The following PATL1 variants were observed in gnomAD, a reference collection of about 807,000 sequenced individuals.
PATL1 encodes protein PAT1 homolog 1.
In PATL1, 32 loss-of-function variants were observed where a neutral mutation model predicts 100.6. That is an observed-to-expected ratio of 0.32 (90% CI 0.24 to 0.43). The LOEUF (loss-of-function observed/expected upper bound fraction) is 0.43, where lower values mean the gene tolerates loss of function less well. Ranked by LOEUF, PATL1 falls within the 20% of genes least tolerant of loss-of-function variation. PATL1 has a pLI of 1.00. For missense variants in PATL1, 747 were observed against 949.9 expected, an observed-to-expected ratio of 0.79 and a Z score of 2.81; for synonymous variants, 332 against 330.0, an observed-to-expected ratio of 1.01 and a Z score of -0.07.
At chr11:59,667,919 T>C (rs559214431) in intron 1 of PATL1, among the ~76,000 whole-genome samples, 2 of 152,344 alleles carry the variant, frequency 1.3e-5, no homozygotes, top group South Asian at 2.1e-4. Context: ...GAATTCCATA[T>C]TCTATCAGTA....
In PATL1 at chr11:59,656,052, T is replaced by TAAAAAAAA. The variant is rs750390194; in HGVS notation, c.724-15_724-8dup. ...GACCCAGGAGGGAAGAGTTCTAAGG[T>TAAAAAAAA]AAAAAAAAAAAAAAAAAAAAGAATA... On this transcript the variant is annotated splice_polypyrimidine_tract_variant and splice_region_variant and intron_variant, in intron 6 of 18. Coordinates refer to ENST00000300146, the MANE Select transcript of PATL1 (RefSeq NM_152716.3). 4 of 767,036 alleles carry TAAAAAAAA rather than the reference T, an allele frequency of 5.2e-6. No individual in the cohort carries two copies. Among genetic ancestry groups the TAAAAAAAA allele is most frequent in the African/African-American group, 2.8e-5 (1 of 35,882 alleles). 47.5% of individuals were successfully genotyped at this position (767,036 alleles called of 1,614,324 possible).
chr11:59,669,024 C>G lies in PATL1; in HGVS notation c.-129G>C. On this transcript the variant is annotated 5_prime_UTR_variant, in exon 1 of 19. Transcript: ENST00000300146. ...CCCTGGCCGCCGCCGTACGCCGGAG[C>G]GTGCGTGGGGACGTGCGCAGGCGCG... is the stretch of plus-strand genomic sequence containing the variant. 4.1e-6 allele frequency: 1 copy of G among 241,522 alleles called. No homozygotes were observed. The highest frequency in any genetic ancestry group is 8.4e-5 in the East Asian group (1 of 11,848). 15.0% of individuals were successfully genotyped at this position (241,522 alleles called of 1,614,324 possible).
chr11:59,659,767 C>T (rs778775018), intron 2 of PATL1, among the ~76,000 whole-genome samples: 3 of 152,054 alleles, frequency 2.0e-5, no homozygotes, highest in Middle Eastern at 3.4e-3. Flanking sequence ...CTCAAACTCC[C>T]GACCTCAAAT....
At chr11:59,662,630 T>C (rs1056148132) in intron 2 of PATL1, among the ~76,000 whole-genome samples, 1 of 152,186 alleles carries the variant, frequency 6.6e-6, no homozygotes, top group Non-Finnish European at 1.5e-5. Flanking sequence ...GGATAAATTG[T>C]TTTTTGCAAC....
intron 12 of PATL1, among the ~76,000 whole-genome samples, chr11:59,651,264 G>T (rs186780361): frequency 6.6e-6 from 1 of 152,150 alleles, no homozygotes; most frequent in Admixed American, 6.5e-5. Flanking sequence ...CATAGAAAAT[G>T]ATAATTTTTT....
chr11:59,653,542 G>A (rs1861477311), intron 9 of PATL1, among the ~76,000 whole-genome samples: 1 of 152,126 alleles, frequency 6.6e-6, no homozygotes, highest in Non-Finnish European at 1.5e-5. Context: ...AGAAAAAAAT[G>A]TATTTGGTTG....
intron 1 of PATL1, among the ~76,000 whole-genome samples, chr11:59,668,629 C>A (rs534735214): frequency 2.6e-5 from 4 of 152,024 alleles, no homozygotes; most frequent in Non-Finnish European, 5.9e-5. Context: ...CAGCACTTAA[C>A]GGGCCCTCCC....
intron 2 of PATL1, among the ~76,000 whole-genome samples, 156 bp from the exon 3 acceptor site, chr11:59,659,625 G>A (rs1406013140): frequency 2.0e-5 from 3 of 151,726 alleles, no homozygotes; most frequent in Non-Finnish European, 2.9e-5. Context: ...TCCACCTCCC[G>A]GGTTCAAGCA....
intron 5 of PATL1, 84 bp downstream of exon 5, chr11:59,657,446 C>T: frequency 7.8e-7 from 1 of 1,275,404 alleles, no homozygotes; most frequent in East Asian, 2.5e-5. Context: ...AAATTTCCAC[C>T]CTCCACCCAA....
chr11:59,654,239 G>T (rs1024306760), intron 8 of PATL1, among the ~76,000 whole-genome samples, 167 bp from the exon 9 acceptor site: 1 of 152,108 alleles, frequency 6.6e-6, no homozygotes, highest in African/African-American at 2.4e-5. Context: ...CACTTTGGGA[G>T]GCCAAGGCAG....
chr11:59,652,621 A>C, intron 10 of PATL1, 34 bp from the exon 11 acceptor site: 1 of 1,610,500 alleles, frequency 6.2e-7, no homozygotes, highest in Non-Finnish European at 8.5e-7. Flanking sequence ...TTGTAACACA[A>C]GCACAGAACA....
chr11:59,638,967 G>T, intron 18 of PATL1, 81 bp downstream of exon 18: 1 of 1,468,366 alleles, frequency 6.8e-7, no homozygotes, highest in Non-Finnish European at 9.3e-7. Flanking sequence ...ACAGGTGTGA[G>T]CCACCGTACC....
chr11:59,637,599 A>C lies in PATL1; in HGVS notation c.*791T>G, dbSNP rs1182271514. ...GTACCCTGTAGTTGTAGCAGGAAAA[A>C]GACATAACCATGTGTTGTTTCGATT... On this transcript the variant is annotated 3_prime_UTR_variant, in exon 19 of 19. Transcript: ENST00000300146. 6.6e-6 allele frequency: 1 copy of C among 152,610 alleles called. No individual in the cohort carries two copies. Among genetic ancestry groups the C allele is most frequent in the Admixed American group, 6.5e-5 (1 of 15,284 alleles). 9.5% of individuals were successfully genotyped at this position (152,610 alleles called of 1,614,324 possible). A position where few individuals can be genotyped will look rare whatever the true frequency, so the allele number is the denominator to read the frequency against.
At chr11:59,641,752 A>T (rs895694598) in intron 16 of PATL1, among the ~76,000 whole-genome samples, 13 of 146,212 alleles carry the variant, frequency 8.9e-5, no homozygotes, top group African/African-American at 1.2e-4. Flanking sequence ...ACCCTGATTT[A>T]AAAAAAAAAA....
chr11:59,662,365 A>C (rs981021526), intron 2 of PATL1, among the ~76,000 whole-genome samples: 1 of 152,182 alleles, frequency 6.6e-6, no homozygotes, highest in African/African-American at 2.4e-5. Flanking sequence ...CTGAGTGACT[A>C]GTCAGGTGGC....
At chr11:59,658,512 G>A (rs750791736) in intron 4 of PATL1, among the ~76,000 whole-genome samples, 1 of 151,958 alleles carries the variant, frequency 6.6e-6, no homozygotes, top group Non-Finnish European at 1.5e-5. Flanking sequence ...TAGTAAGGAT[G>A]GGGTTTCACC....
intron 16 of PATL1, among the ~76,000 whole-genome samples, chr11:59,642,074 A>G (rs1305101952): frequency 6.6e-6 from 1 of 152,182 alleles, no homozygotes; most frequent in Non-Finnish European, 1.5e-5. Context: ...TACCAGGACA[A>G]CTCTATGAAG....
chr11:59,642,809 G>A lies in PATL1; in HGVS notation c.2049+71C>T, dbSNP rs924551730. On this transcript the variant is annotated intron_variant, in intron 16 of 18. Coordinates refer to ENST00000300146, the MANE Select transcript of PATL1 (RefSeq NM_152716.3). Reference sequence around the variant, plus strand: ...TTCCCAAGTTGCTAGAGATACAGCAGCCATTATTTTAATCTATAACGCAAA... The same window carrying A: ...TTCCCAAGTTGCTAGAGATACAGCAACCATTATTTTAATCTATAACGCAAA... 8.2e-6 allele frequency: 12 copies of A among 1,461,144 alleles called. No homozygotes were observed. In the African/African-American group the frequency reaches 1.6e-4, roughly 19 times the overall value. 90.5% of individuals were successfully genotyped at this position (1,461,144 alleles called of 1,614,324 possible).
chr11:59,647,213 ACT>A (rs1861376623), intron 15 of PATL1, among the ~76,000 whole-genome samples: 1 of 127,852 alleles, frequency 7.8e-6, no homozygotes, highest in African/African-American at 3.3e-5. Context: ...ACAGAGCAAA[ACT>A]CTGTCTCAAA....
Sources: allele counts gnomAD v4.1 joint callset (sites outside exome capture counted in the v4.1 genomes callset), GRCh38; gene constraint gnomAD v4.1.1; transcripts MANE v1.5; gene names NCBI Gene and HGNC (gene_info 2026-07-23, HGNC 2026-07-21).